VPS13A: variants seen among roughly 807,000 people sequenced by gnomAD.
The protein encoded by VPS13A is vacuolar protein sorting 13 homolog A.
In VPS13A, 264 loss-of-function variants were observed where a neutral mutation model predicts 390.9. That is an observed-to-expected ratio of 0.68 (90% CI 0.61 to 0.75). The LOEUF (loss-of-function observed/expected upper bound fraction) is 0.75. VPS13A is among the 30% of genes least tolerant of loss of function. The probability of loss-of-function intolerance (pLI) is 0.00; values close to 1 mark genes in which losing one functional copy is unlikely to be tolerated. For synonymous variants in VPS13A, 1,231 were observed against 1,227.1 expected (o/e 1.00, Z -0.07); for missense variants, 3,409 against 3,733.9 (o/e 0.91, Z 2.27).
intron 1 of VPS13A, among the ~76,000 whole-genome samples, chr9:77,187,163 G>T (rs1824389715): frequency 1.3e-5 from 2 of 152,090 alleles, no homozygotes; most frequent in Admixed American, 6.5e-5. Context: ...CCACCTTTTG[G>T]CTGTTGTGAA....
rs1195117854 is a variant in VPS13A at position 77,315,230 on chromosome 9, ATTG to A, written c.4413-17_4413-15del. 6.9e-6 allele frequency: 11 copies of A among 1,598,312 alleles called. No homozygotes were observed. The highest frequency in any genetic ancestry group is 1.7e-5 in the Admixed American group (1 of 59,952). On this transcript the variant is annotated intron_variant, in intron 37 of 71. Transcript: ENST00000360280. ...ACTTCTAAGTTACTCATACATAGGA[ATTG>A]TTGTTATTGTGTTTTCCAGAATGAT...
chr9:77,269,832 A>G (rs1018875265), intron 23 of VPS13A, among the ~76,000 whole-genome samples: 6 of 152,336 alleles, frequency 3.9e-5, no homozygotes, highest in African/African-American at 1.4e-4. Context: ...GTATTTACAG[A>G]TAGGTTCTTT....
intron 13 of VPS13A, among the ~76,000 whole-genome samples, chr9:77,222,165 T>C (rs1823257324): frequency 6.6e-6 from 1 of 152,094 alleles, no homozygotes; most frequent in Non-Finnish European, 1.5e-5. Flanking sequence ...ACTTTTATTT[T>C]CAATGTGGGA....
intron 53 of VPS13A, among the ~76,000 whole-genome samples, chr9:77,352,257 T>G (rs1032543185): frequency 1.3e-5 from 2 of 152,238 alleles, no homozygotes; most frequent in African/African-American, 4.8e-5. Flanking sequence ...GGTAACATTT[T>G]AAATACTTTC....
At chr9:77,182,167 C>T (rs892914804) in intron 1 of VPS13A, among the ~76,000 whole-genome samples, 2 of 152,190 alleles carry the variant, frequency 1.3e-5, no homozygotes, top group Non-Finnish European at 2.9e-5. Context: ...GATCTCGGCT[C>T]ACTGCAACCT....
chr9:77,211,411 T>A (rs11145338), intron 7 of VPS13A: 29,664 of 152,168 alleles, frequency 0.19, 3,749 homozygotes, highest in East Asian at 0.39. Context: ...TGTTGACATT[T>A]ATCTGTGTTA....
Position 77,295,584 on chromosome 9 carries a change from G to A in VPS13A, c.3550G>A (p.Glu1184Lys). 1.2e-6 allele frequency: 2 copies of A among 1,611,864 alleles called. No homozygotes were observed. Among genetic ancestry groups the A allele is most frequent in the South Asian group, 2.2e-5 (2 of 90,904 alleles). Residue 1184 changes from glutamate (E) to lysine (K), a missense_variant, in exon 33 of 72, where the codon GAG becomes AAG. Physicochemically the swap from Glu to Lys is moderately conservative, Grantham distance 56. Coordinates refer to ENST00000360280, the MANE Select transcript of VPS13A (RefSeq NM_033305.3). ...NFQAAKQALA[E>K]ATVQAAGMAA... is the part of the protein sequence containing the mutation. ...TCAGGCAGCTAAACAAGCCTTGGCT[G>A]AGGCAACTGTTCAGGCAGCTGGAAT... is the stretch of plus-strand genomic sequence containing the variant.
chr9:77,300,524 G>A (rs1188726536), intron 33 of VPS13A, among the ~76,000 whole-genome samples: 1 of 152,182 alleles, frequency 6.6e-6, no homozygotes, highest in Non-Finnish European at 1.5e-5. Flanking sequence ...TTGAGCTCAG[G>A]AGTCTGAGAC....
At chr9:77,282,072 G>A (rs1827058626) in intron 28 of VPS13A, 49 bp from the exon 29 acceptor site, 5 of 1,588,162 alleles carry the variant, frequency 3.1e-6, no homozygotes, top group Admixed American at 1.7e-5. Context: ...TAGAGAGCTG[G>A]CAAGCAAATA....
chr9:77,252,372 T>C lies in VPS13A; in HGVS notation c.2288+20T>C, dbSNP rs12335955. ...GCCCAAGTATGTACTGTTTGTTTCATGTGAATATGGATTTTCTGGGTAATT... is the reference window on the plus strand; with the variant it reads ...GCCCAAGTATGTACTGTTTGTTTCACGTGAATATGGATTTTCTGGGTAATT... On this transcript the variant is annotated intron_variant, in intron 22 of 71. Coordinates refer to ENST00000360280, the MANE Select transcript of VPS13A (RefSeq NM_033305.3). 160,360 of 1,575,160 alleles carry C rather than the reference T, an allele frequency of 0.1. 8,726 individuals carry two copies. Among genetic ancestry groups the C allele is most frequent in the African/African-American group, 0.11 (8,311 of 74,088 alleles).
At chr9:77,231,426 T>A (rs898948074) in intron 17 of VPS13A, among the ~76,000 whole-genome samples, 8 of 152,154 alleles carry the variant, frequency 5.3e-5, no homozygotes, top group African/African-American at 1.7e-4. Flanking sequence ...TTCCATATCA[T>A]TCCCAACACT....
chr9:77,419,908 C>CT lies in VPS13A; in HGVS notation c.*3903dup, dbSNP rs1346484415. The CT allele has an allele frequency of 6.6e-6, 1 of 152,158 alleles. No individual in the cohort carries two copies. The highest frequency in any genetic ancestry group is 1.5e-5 in the Non-Finnish European group (1 of 68,022). 9.4% of individuals were successfully genotyped at this position (152,158 alleles called of 1,614,324 possible). A position where few individuals can be genotyped will look rare whatever the true frequency, so the allele number is the denominator to read the frequency against. On this transcript the variant is annotated 3_prime_UTR_variant, in exon 72 of 72. Transcript: ENST00000360280. ...CTGGTAGGGCCAAAATATTCAGTGT[C>CT]TGGGGGGTGCTATGCAAATATCAAT...
chr9:77,237,812 A>G (rs1178933641), intron 17 of VPS13A, among the ~76,000 whole-genome samples, 190 bp from the exon 18 acceptor site: 1 of 152,238 alleles, frequency 6.6e-6, no homozygotes, highest in Non-Finnish European at 1.5e-5. Context: ...AAGTCAACAC[A>G]AATAGGATTC....
intron 19 of VPS13A, among the ~76,000 whole-genome samples, chr9:77,244,507 C>T (rs1157948255): frequency 6.6e-6 from 1 of 152,144 alleles, no homozygotes; most frequent in Non-Finnish European, 1.5e-5. Context: ...GCTGTGAAAC[C>T]ACCTGAGGAG....
At chr9:77,325,053 T>C (rs575423959) in intron 45 of VPS13A, among the ~76,000 whole-genome samples, 1 of 152,218 alleles carries the variant, frequency 6.6e-6, no homozygotes, top group South Asian at 2.1e-4. Flanking sequence ...TTAACAACTA[T>C]CTACACAGAA....
intron 68 of VPS13A, among the ~76,000 whole-genome samples, chr9:77,398,309 C>T (rs1834202479): frequency 6.6e-6 from 1 of 152,174 alleles, no homozygotes; most frequent in Non-Finnish European, 1.5e-5. Context: ...GTGAAACGCA[C>T]TGGAATTAGA....
At position 77,318,535 on chromosome 9, in the gene VPS13A, G is replaced by A. The variant is rs1234772718; in HGVS notation, c.5257G>A (p.Gly1753Arg). Residue 1753 changes from glycine to arginine, a missense_variant, in exon 41 of 72, where the codon GGG (glycine) becomes AGG (arginine). Physicochemically the swap from Gly to Arg is moderately radical, Grantham distance 125. Transcript: ENST00000360280. ...PMLLAKSRFS[G>R]EGKNWSSLIN... is the part of the protein sequence containing the mutation. ...GCTTCTGGCAAAGTCACGTTTTTCA[G>A]GGGAAGGCAAAAACTGGAGTTCCCT... 1 of 1,613,682 alleles carries A rather than the reference G, an allele frequency of 6.2e-7. No individual in the cohort carries two copies. The highest frequency in any genetic ancestry group is 8.5e-7 in the Non-Finnish European group (1 of 1,179,882).
At chr9:77,373,897 T>A (rs1017735484) in intron 67 of VPS13A, among the ~76,000 whole-genome samples, 1 of 152,228 alleles carries the variant, frequency 6.6e-6, no homozygotes, top group Non-Finnish European at 1.5e-5. Context: ...TTTTTTAAGT[T>A]GCTGCCATTG....
At chr9:77,218,516 A>G (rs1822992297) in intron 10 of VPS13A, among the ~76,000 whole-genome samples, 1 of 152,070 alleles carries the variant, frequency 6.6e-6, no homozygotes, top group African/African-American at 2.4e-5. Flanking sequence ...TAGTTTGCAG[A>G]TATTTTCTCC....
Sources: gnomAD v4.1 joint callset for allele counts (sites outside exome capture counted in the v4.1 genomes callset) on GRCh38, gnomAD v4.1.1 for gene constraint, MANE v1.5 for transcripts, NCBI Gene and HGNC (gene_info 2026-07-23, HGNC 2026-07-21) for gene names.